The following ANKRD31 variants were observed in gnomAD, a reference collection of about 807,000 sequenced individuals.
ANKRD31 encodes ankyrin repeat domain-containing protein 31.
A neutral mutation model predicts 186.0 loss-of-function variants in ANKRD31; 147 were observed. That is an observed-to-expected ratio of 0.79 (90% CI 0.69 to 0.91). The LOEUF is 0.91. ANKRD31 is among the 40% of genes least tolerant of loss of function. The pLI, the probability that ANKRD31 is intolerant of heterozygous loss-of-function variation, is 0.00. For synonymous variants in ANKRD31, 673 were observed against 736.4 expected (o/e 0.91, Z 1.39); for missense variants, 1,986 against 2,148.8 (o/e 0.92, Z 1.50).
intron 2 of ANKRD31, among the ~76,000 whole-genome samples, chr5:75,226,997 G>T: frequency 6.6e-6 from 1 of 151,324 alleles, no homozygotes; most frequent in African/African-American, 2.4e-5. Context: ...TTTTTTTTTA[G>T]CACTATCCAC....
intron 10 of ANKRD31, among the ~76,000 whole-genome samples, chr5:75,185,363 T>C (rs1470371891): frequency 6.6e-6 from 1 of 151,998 alleles, no homozygotes; most frequent in Non-Finnish European, 1.5e-5. Context: ...ATCGAGACCA[T>C]CCTGGCCAAC....
intron 5 of ANKRD31, 141 bp from the exon 6 acceptor site, chr5:75,199,815 T>G (rs1755699511): frequency 6.1e-6 from 2 of 325,346 alleles, no homozygotes; most frequent in African/African-American, 2.2e-5. Flanking sequence ...TTACATAAAT[T>G]TATTAGTATA....
intron 11 of ANKRD31, among the ~76,000 whole-genome samples, chr5:75,156,343 G>A (rs1752173797): frequency 6.6e-6 from 1 of 152,124 alleles, no homozygotes; most frequent in Non-Finnish European, 1.5e-5. Context: ...ATGTGTGCAT[G>A]TCCTTCTGGT....
At chr5:75,221,598 G>A (rs1757304381) in intron 3 of ANKRD31, among the ~76,000 whole-genome samples, 1 of 152,108 alleles carries the variant, frequency 6.6e-6, no homozygotes, top group Non-Finnish European at 1.5e-5. Context: ...TGTAAGAGTG[G>A]ACAAAAGAAA....
intron 19 of ANKRD31, among the ~76,000 whole-genome samples, chr5:75,114,923 G>C (rs1748088183): frequency 6.6e-6 from 1 of 151,994 alleles, no homozygotes; most frequent in East Asian, 1.9e-4. Flanking sequence ...AGTTCATATG[G>C]AACCAAAAAA....
intron 2 of ANKRD31, among the ~76,000 whole-genome samples, chr5:75,224,977 G>A (rs1391258305): frequency 6.6e-6 from 1 of 152,098 alleles, no homozygotes; most frequent in Non-Finnish European, 1.5e-5. Context: ...AGGCAATTCA[G>A]ACACAAAAAA....
intron 24 of ANKRD31, among the ~76,000 whole-genome samples, chr5:75,081,764 G>A (rs748623593): frequency 2.0e-5 from 3 of 152,076 alleles, no homozygotes; most frequent in African/African-American, 7.2e-5. Flanking sequence ...GGGGCGGAGA[G>A]AGAGAGAGAG....
chr5:75,146,898 G>T lies in ANKRD31; in HGVS notation c.2513C>A (p.Pro838Gln). Residue 838 changes from proline to glutamine, a missense_variant, in exon 14 of 26, where the codon CCA becomes CAA. Transcript: ENST00000506364. ...GATTTCTTTATGTAATAAAAGCCCT[G>T]GGAAAGAAACAGCTTCAGTTTGGTC... ...SVDQTEAVSF[P>Q]GLLLHKEIKL... 3.9e-6 allele frequency: 6 copies of T among 1,536,334 alleles called. No individual in the cohort carries two copies. The highest frequency in any genetic ancestry group is 5.2e-6 in the Non-Finnish European group (6 of 1,146,304).
intron 15 of ANKRD31, among the ~76,000 whole-genome samples, chr5:75,139,843 G>T (rs546550814): frequency 6.6e-6 from 1 of 152,200 alleles, no homozygotes; most frequent in South Asian, 2.1e-4. Context: ...TGGGCAGTTG[G>T]TTAATATCTT....
intron 12 of ANKRD31, among the ~76,000 whole-genome samples, chr5:75,153,879 GA>G (rs1215802679): frequency 6.6e-6 from 1 of 152,066 alleles, no homozygotes; most frequent in Non-Finnish European, 1.5e-5. Context: ...CATTTTCACT[GA>G]AAAGGATATA....
At chr5:75,234,025 AAAAC>A (rs752605781) in intron 1 of ANKRD31, among the ~76,000 whole-genome samples, 1 of 152,260 alleles carries the variant, frequency 6.6e-6, no homozygotes, top group Non-Finnish European at 1.5e-5. Flanking sequence ...CAAAAAATTA[AAAAC>A]AAACTAAATG....
At chr5:75,110,382 G>A (rs965802544) in intron 20 of ANKRD31, among the ~76,000 whole-genome samples, 11 of 151,936 alleles carry the variant, frequency 7.2e-5, no homozygotes. Flanking sequence ...ACAAAGAACA[G>A]AAACAGTTCT....
intron 3 of ANKRD31, among the ~76,000 whole-genome samples, chr5:75,220,719 C>CA (rs990227012): frequency 8.6e-5 from 13 of 151,384 alleles, no homozygotes; most frequent in Admixed American, 1.3e-4. Context: ...AACAAGCATC[C>CA]AAAAAAATGC....
chr5:75,229,736 G>A (rs1052601749), intron 2 of ANKRD31, among the ~76,000 whole-genome samples: 4 of 151,696 alleles, frequency 2.6e-5, no homozygotes, highest in East Asian at 1.9e-4. Flanking sequence ...GTAGTGGTGC[G>A]TGCACATAGT....
intron 11 of ANKRD31, among the ~76,000 whole-genome samples, chr5:75,157,449 G>A (rs1752263889): frequency 6.6e-6 from 1 of 152,064 alleles, no homozygotes; most frequent in Non-Finnish European, 1.5e-5. Flanking sequence ...AGAACTGTTA[G>A]GCAAAAAGGA....
At chr5:75,101,971 T>C (rs1746928296) in intron 22 of ANKRD31, among the ~76,000 whole-genome samples, 1 of 152,196 alleles carries the variant, frequency 6.6e-6, no homozygotes. Flanking sequence ...TCCGTTGCTG[T>C]TGAGGAGCTG....
chr5:75,107,934 G>A (rs1179566509), intron 20 of ANKRD31, among the ~76,000 whole-genome samples: 1 of 151,858 alleles, frequency 6.6e-6, no homozygotes, highest in Non-Finnish European at 1.5e-5. Context: ...AGGTAGTAAA[G>A]GAAGATATTT....
intron 21 of ANKRD31, among the ~76,000 whole-genome samples, chr5:75,105,610 C>T (rs116513478): frequency 5.1e-3 from 778 of 152,160 alleles, no homozygotes; most frequent in Non-Finnish European, 8.7e-3. Flanking sequence ...CTAAGGAGAG[C>T]CATCGTTCTT....
intron 3 of ANKRD31, among the ~76,000 whole-genome samples, chr5:75,220,932 T>C (rs1176014790): frequency 6.6e-6 from 1 of 152,096 alleles, no homozygotes; most frequent in Non-Finnish European, 1.5e-5. Context: ...AAACCCTGTC[T>C]CCACTAAAAA....
Sources: gnomAD v4.1 joint callset for allele counts (sites outside exome capture counted in the v4.1 genomes callset) on GRCh38, gnomAD v4.1.1 for gene constraint, MANE v1.5 for transcripts, NCBI Gene and HGNC (gene_info 2026-07-23, HGNC 2026-07-21) for gene names.